GPC5: variants seen among roughly 807,000 people sequenced by gnomAD.
GPC5 encodes glypican 5, also known as glypican-5.
In GPC5, 47 loss-of-function variants were observed where a neutral mutation model predicts 53.9. The observed-to-expected ratio is 0.87, with a 90% CI of 0.69 to 1.11. GPC5 has a LOEUF of 1.11. Among genes scored for constraint, GPC5 ranks in the 50% most tolerant of loss-of-function variants. The probability of loss-of-function intolerance (pLI) is 0.00; values close to 1 mark genes in which losing one functional copy is unlikely to be tolerated. For synonymous variants in GPC5, 286 were observed against 263.3 expected (o/e 1.09, Z -0.84); for missense variants, 748 against 713.1 (o/e 1.05, Z -0.56).
chr13:92,360,815 G>A (rs903607605), intron 7 of GPC5, among the ~76,000 whole-genome samples: 19 of 151,798 alleles, frequency 1.3e-4, no homozygotes, highest in South Asian at 2.1e-4. Flanking sequence ...AATATCACTA[G>A]CATTCCTATG....
intron 7 of GPC5, among the ~76,000 whole-genome samples, chr13:92,368,515 G>A (rs182229461): frequency 6.6e-6 from 1 of 150,602 alleles, no homozygotes; most frequent in African/African-American, 2.4e-5. Context: ...ATTGTGGCAG[G>A]CACCTGTAAT....
chr13:92,368,347 C>T (rs1014638449), intron 7 of GPC5, among the ~76,000 whole-genome samples: 4 of 151,096 alleles, frequency 2.6e-5, no homozygotes, highest in Non-Finnish European at 5.9e-5. Context: ...AAATACAACT[C>T]TAAAGATTAA....
At chr13:92,291,612 AAGC>A in intron 7 of GPC5, among the ~76,000 whole-genome samples, 1 of 152,148 alleles carries the variant, frequency 6.6e-6, no homozygotes, top group South Asian at 2.1e-4. Context: ...AAGAGACTAA[AAGC>A]AGGCTGCTGG....
At chr13:92,102,091 T>C (rs2041471736) in intron 6 of GPC5, among the ~76,000 whole-genome samples, 1 of 152,076 alleles carries the variant, frequency 6.6e-6, no homozygotes, top group Non-Finnish European at 1.5e-5. Context: ...ATTGATATCA[T>C]ATAAATAGAT....
intron 6 of GPC5, among the ~76,000 whole-genome samples, chr13:91,992,178 C>T (rs1376937264): frequency 2.0e-5 from 3 of 152,012 alleles, no homozygotes; most frequent in East Asian, 1.9e-4. Context: ...ACTATAGGTG[C>T]ACAACACTAT....
intron 7 of GPC5, among the ~76,000 whole-genome samples, chr13:92,714,066 C>T (rs768561850): frequency 6.6e-6 from 1 of 152,064 alleles, no homozygotes; most frequent in African/African-American, 2.4e-5. Context: ...GAATTTATTC[C>T]TGTTGTTTGT....
intron 7 of GPC5, among the ~76,000 whole-genome samples, chr13:92,432,607 C>A (rs1269052637): frequency 1.3e-5 from 2 of 151,528 alleles, no homozygotes; most frequent in African/African-American, 4.9e-5. Flanking sequence ...GATCTCCTGA[C>A]CTCGTGATCT....
Position 92,329,733 on chromosome 13 carries a change from G to A in GPC5, c.1561+184744G>A, listed in dbSNP as rs144426789. Among the ~76,000 whole-genome samples the A allele has an allele frequency of 2.4e-3, 365 of 152,202 alleles. 2 individuals are homozygous for A. The highest frequency in any genetic ancestry group is 0.01 in the Middle Eastern group (3 of 294). On this transcript the variant is annotated intron_variant, in intron 7 of 7. Transcript: ENST00000377067. ...GAGTTTATTTAAATAAAAACATGGA[G>A]TTTTTCAATGGCAAGAAAACCATGG...
At chr13:91,619,661 CACAATGGAG>C (rs1242791257) in intron 2 of GPC5, among the ~76,000 whole-genome samples, 3 of 152,042 alleles carry the variant, frequency 2.0e-5, no homozygotes, top group Admixed American at 1.3e-4. Flanking sequence ...ACAGAAACTG[CACAATGGAG>C]ACAATGATGT....
chr13:92,269,095 C>T (rs2042822629), intron 7 of GPC5, among the ~76,000 whole-genome samples: 1 of 151,942 alleles, frequency 6.6e-6, no homozygotes, highest in Non-Finnish European at 1.5e-5. Flanking sequence ...CATAATTACT[C>T]TTATTTTGTC....
At chr13:92,313,508 T>A (rs759705831) in intron 7 of GPC5, among the ~76,000 whole-genome samples, 1 of 152,230 alleles carries the variant, frequency 6.6e-6, no homozygotes, top group Admixed American at 6.5e-5. Context: ...AACAAAATGA[T>A]GTATCCAAAA....
chr13:92,663,648 T>C (rs1396928421), intron 7 of GPC5, among the ~76,000 whole-genome samples: 2 of 140,374 alleles, frequency 1.4e-5, no homozygotes, highest in African/African-American at 5.4e-5. Context: ...ACACTATATA[T>C]ATACTATATA....
chr13:91,963,768 G>A (rs990574636), intron 6 of GPC5, among the ~76,000 whole-genome samples: 15 of 152,094 alleles, frequency 9.9e-5, no homozygotes, highest in Non-Finnish European at 1.8e-4. Flanking sequence ...TAATAATATT[G>A]ATATGCCACA....
At chr13:92,056,729 G>T (rs576314100) in intron 6 of GPC5, among the ~76,000 whole-genome samples, 1 of 151,952 alleles carries the variant, frequency 6.6e-6, no homozygotes, top group Non-Finnish European at 1.5e-5. Flanking sequence ...GTTTGTTTTT[G>T]TTTGCTTATT....
intron 4 of GPC5, among the ~76,000 whole-genome samples, chr13:91,753,095 C>T (rs915769096): frequency 6.6e-6 from 1 of 152,170 alleles, no homozygotes; most frequent in Non-Finnish European, 1.5e-5. Context: ...AAAGCCACTG[C>T]TCTATGATTT....
At chr13:92,199,960 G>T (rs1034259155) in intron 7 of GPC5, among the ~76,000 whole-genome samples, 1 of 152,078 alleles carries the variant, frequency 6.6e-6, no homozygotes, top group African/African-American at 2.4e-5. Flanking sequence ...GCAAGCTGAG[G>T]ATTACCTGGA....
intron 7 of GPC5, among the ~76,000 whole-genome samples, chr13:92,677,574 T>A (rs893104602): frequency 6.6e-6 from 1 of 152,184 alleles, no homozygotes; most frequent in Admixed American, 6.5e-5. Flanking sequence ...GGCAGGTGAA[T>A]CTGGACTTGG....
intron 7 of GPC5, among the ~76,000 whole-genome samples, chr13:92,862,892 C>T (rs777306091): frequency 9.2e-5 from 14 of 152,148 alleles, no homozygotes; most frequent in South Asian, 2.1e-4. Context: ...TTTTAAAATA[C>T]GTAGACAGAT....
chr13:92,463,892 G>A lies in GPC5; in HGVS notation c.1561+318903G>A, dbSNP rs532851590. 1.4e-4 allele frequency among the ~76,000 whole-genome samples: 22 copies of A among 152,202 alleles called. No individual in the cohort carries two copies. In the South Asian group the frequency reaches 4.6e-3, roughly 32 times the overall value. The stretch of plus-strand genomic sequence containing the variant: ...TTGCAATGCAATTTATTGGAGTTAA[G>A]AGTTTCTCAGAAAAAGAGTGTCTTG... On this transcript the variant is annotated intron_variant, in intron 7 of 7. Transcript: ENST00000377067.
Sources: allele counts gnomAD v4.1 joint callset (sites outside exome capture counted in the v4.1 genomes callset), GRCh38; gene constraint gnomAD v4.1.1; transcripts MANE v1.5; gene names NCBI Gene and HGNC (gene_info 2026-07-23, HGNC 2026-07-21).